TBPL1: variants seen among roughly 807,000 people sequenced by gnomAD.
The protein encoded by TBPL1 is TATA-box binding protein like 1.
A neutral mutation model predicts 22.1 loss-of-function variants in TBPL1; 4 were observed. The observed-to-expected ratio is 0.18, with a 90% confidence interval of 0.09 to 0.41. TBPL1 has a LOEUF of 0.41. Among genes scored for constraint, TBPL1 ranks in the 10% least tolerant of loss-of-function variants. The pLI, the probability that TBPL1 is intolerant of heterozygous loss-of-function variation, is 1.00. For missense variants in TBPL1, 115 were observed against 222.3 expected, an observed-to-expected ratio of 0.52 and a Z score of 3.07; for synonymous variants, 64 against 71.0, an observed-to-expected ratio of 0.90 and a Z score of 0.50.
chr6:133,961,911 C>T (rs1182461963), intron 1 of TBPL1, among the ~76,000 whole-genome samples: 3 of 151,980 alleles, frequency 2.0e-5, no homozygotes, highest in African/African-American at 7.3e-5. Context: ...CTTTTTCTTC[C>T]ACTGAAATAC....
At chr6:133,975,868 G>A (rs996532140) in intron 1 of TBPL1, among the ~76,000 whole-genome samples, 5 of 152,170 alleles carry the variant, frequency 3.3e-5, no homozygotes, top group African/African-American at 1.2e-4. Context: ...TAAGCTGAAT[G>A]ATAGGTACGT....
rs536421364 is a variant in TBPL1 at position 133,969,251 on chromosome 6, CTTTTTTTTTTTTTT to C, written c.-44-10821_-44-10808del. Among the ~76,000 whole-genome samples, 86 of 122,596 alleles carry C rather than the reference CTTTTTTTTTTTTTT, an allele frequency of 7.0e-4. 2 individuals carry two copies. The highest frequency in any genetic ancestry group is 2.5e-3 in the African/African-American group (82 of 32,734). 80.4% of individuals were successfully genotyped at this position (122,596 alleles called of 152,430 possible). A position where few individuals can be genotyped will look rare whatever the true frequency, so the allele number is the denominator to read the frequency against. ...GTCATTGACTGAACCATAAAATACACTTTTTTTTTTTTTTTTTTTTTTTAGTAAATAGATGCTGG... is the reference window on the plus strand; with the variant it reads ...GTCATTGACTGAACCATAAAATACACTTTTTTTTTAGTAAATAGATGCTGG... On this transcript the variant is annotated intron_variant, in intron 1 of 6. Transcript: ENST00000237264.
intron 1 of TBPL1, among the ~76,000 whole-genome samples, chr6:133,968,146 G>A (rs1427301847): frequency 1.3e-5 from 2 of 151,660 alleles, no homozygotes; most frequent in East Asian, 1.9e-4. Flanking sequence ...GTGCCACCAC[G>A]CCCAGCTAAT....
chr6:133,987,108 A>G lies in TBPL1; in HGVS notation c.*68A>G. On this transcript the variant is annotated 3_prime_UTR_variant, in exon 7 of 7. Transcript: ENST00000237264. Reference sequence around the variant, plus strand: ...AAACCTGCTGCACATTGGACTCAAAAGGAAAACTGGACCAACAATAATTGA... The same window carrying G: ...AAACCTGCTGCACATTGGACTCAAAGGGAAAACTGGACCAACAATAATTGA... 1 of 1,080,714 alleles carries G rather than the reference A, an allele frequency of 9.3e-7. No individual in the cohort carries two copies. Among genetic ancestry groups the G allele is most frequent in the African/African-American group, 1.6e-5 (1 of 62,932 alleles). The allele number at this position is 1,080,714 out of a possible 1,614,324, so 66.9% of individuals were successfully genotyped here.
intron 1 of TBPL1, among the ~76,000 whole-genome samples, chr6:133,960,087 T>C (rs1196630944): frequency 2.0e-5 from 3 of 152,208 alleles, no homozygotes; most frequent in African/African-American, 4.8e-5. Flanking sequence ...TCCAGTGACT[T>C]GTGTACATGT....
At chr6:133,959,762 C>T (rs1583808423) in intron 1 of TBPL1, among the ~76,000 whole-genome samples, 2 of 152,208 alleles carry the variant, frequency 1.3e-5, no homozygotes, top group South Asian at 2.1e-4. Context: ...GAATTACAGG[C>T]GTGAGCCATT....
intron 1 of TBPL1, among the ~76,000 whole-genome samples, chr6:133,953,719 G>A (rs1052664839): frequency 1.3e-5 from 2 of 152,132 alleles, no homozygotes; most frequent in Non-Finnish European, 2.9e-5. Flanking sequence ...CCTGGTGTAG[G>A]ATAAGAAAAG....
intron 1 of TBPL1, among the ~76,000 whole-genome samples, chr6:133,969,774 C>T (rs907460755): frequency 4.6e-5 from 7 of 152,146 alleles, no homozygotes; most frequent in Non-Finnish European, 1.0e-4. Context: ...TAACTCTCTC[C>T]CATTACTGCC....
At chr6:133,955,459 C>T (rs1399038751) in intron 1 of TBPL1, among the ~76,000 whole-genome samples, 1 of 151,932 alleles carries the variant, frequency 6.6e-6, no homozygotes, top group Non-Finnish European at 1.5e-5. Context: ...GTGTCCTTCG[C>T]CTGCATGTGC....
At chr6:133,953,677 G>A (rs1370026007) in intron 1 of TBPL1, among the ~76,000 whole-genome samples, 1 of 152,150 alleles carries the variant, frequency 6.6e-6, no homozygotes, top group Non-Finnish European at 1.5e-5. Context: ...CGGGTTGGGG[G>A]TGGGGCGTCC....
At chr6:133,983,351 G>T (rs1379645860) in intron 4 of TBPL1, among the ~76,000 whole-genome samples, 2 of 152,168 alleles carry the variant, frequency 1.3e-5, no homozygotes, top group African/African-American at 4.8e-5. Flanking sequence ...TGAATAAAAC[G>T]ATTACATATT....
Position 133,961,503 on chromosome 6 carries a change from C to G in TBPL1, c.-45+8078C>G, listed in dbSNP as rs1343704413. Among the ~76,000 whole-genome samples the G allele has an allele frequency of 8.6e-5, 11 of 128,312 alleles. No homozygotes were observed. The South Asian group carries it at 2.7e-3, about 32-fold the overall frequency. The allele number at this position is 128,312 out of a possible 152,430, so 84.2% of individuals were successfully genotyped here. A position where few individuals can be genotyped will look rare whatever the true frequency, so the allele number is the denominator to read the frequency against. On this transcript the variant is annotated intron_variant, in intron 1 of 6. Transcript: ENST00000237264. Reference sequence around the variant, plus strand: ...TTTTTTTTTGAGACGGAGTCGTGCTCTGTCACCCATGCTAGAGTGCAGTGG... The same window carrying G: ...TTTTTTTTTGAGACGGAGTCGTGCTGTGTCACCCATGCTAGAGTGCAGTGG...
At position 133,988,816 on chromosome 6, in the gene TBPL1, A is replaced by G. The variant is rs1776576427; in HGVS notation, c.*1776A>G. The G allele has an allele frequency of 6.6e-6, 1 of 152,174 alleles. No individual in the cohort carries two copies. 9.4% of individuals were successfully genotyped at this position (152,174 alleles called of 1,614,324 possible). On this transcript the variant is annotated 3_prime_UTR_variant, in exon 7 of 7. Coordinates refer to ENST00000237264, the MANE Select transcript of TBPL1 (RefSeq NM_004865.4). ...GAGAATAAAATTACATGAAAGAGTT[A>G]CAAGCTCACTGTTTTAAAGACTTGA...
chr6:133,958,018 C>CT (rs1015125758), intron 1 of TBPL1, among the ~76,000 whole-genome samples: 9 of 152,108 alleles, frequency 5.9e-5, no homozygotes, highest in African/African-American at 2.2e-4. Flanking sequence ...TGCTGTTAGG[C>CT]TTTAGGAGGG....
At chr6:133,957,987 A>G (rs955005901) in intron 1 of TBPL1, among the ~76,000 whole-genome samples, 5 of 152,150 alleles carry the variant, frequency 3.3e-5, no homozygotes, top group Non-Finnish European at 7.4e-5. Flanking sequence ...CTTTCTGTTC[A>G]CTGACTATTG....
At chr6:133,966,719 C>T (rs1247792595) in intron 1 of TBPL1, among the ~76,000 whole-genome samples, 1 of 152,182 alleles carries the variant, frequency 6.6e-6, no homozygotes, top group Non-Finnish European at 1.5e-5. Context: ...TGCAGTCATT[C>T]TCCATCTCCC....
intron 1 of TBPL1, among the ~76,000 whole-genome samples, chr6:133,967,326 AATTAG>A (rs1776136902): frequency 6.6e-6 from 1 of 152,232 alleles, no homozygotes; most frequent in Non-Finnish European, 1.5e-5. Flanking sequence ...CAGCAGAATG[AATTAG>A]ATTAAGCGGG....
chr6:133,963,667 C>T (rs1050733856), intron 1 of TBPL1, among the ~76,000 whole-genome samples: 1 of 152,072 alleles, frequency 6.6e-6, no homozygotes, highest in African/African-American at 2.4e-5. Context: ...GCAACCTGCC[C>T]ACCTTGGCCT....
At chr6:133,972,384 A>G (rs1006379480) in intron 1 of TBPL1, among the ~76,000 whole-genome samples, 1 of 152,226 alleles carries the variant, frequency 6.6e-6, no homozygotes, top group East Asian at 1.9e-4. Flanking sequence ...TTATACAGAC[A>G]TTTTGTCATT....
Sources: allele counts gnomAD v4.1 joint callset (sites outside exome capture counted in the v4.1 genomes callset), GRCh38; gene constraint gnomAD v4.1.1; transcripts MANE v1.5; gene names NCBI Gene and HGNC (gene_info 2026-07-23, HGNC 2026-07-21).